The following CACNA1C variants were observed in gnomAD, a reference collection of about 807,000 sequenced individuals.
The protein encoded by CACNA1C is voltage-dependent L-type calcium channel subunit alpha-1C.
CACNA1C carries 30 observed loss-of-function variants against 229.0 expected under a neutral mutation model. That is an observed-to-expected ratio of 0.13 (90% CI 0.10 to 0.18). The LOEUF (loss-of-function observed/expected upper bound fraction) is 0.18. Ranked by LOEUF, CACNA1C falls within the 10% of genes least tolerant of loss-of-function variation. The pLI is 1.00. For missense variants in CACNA1C, 1,658 were observed against 2,845.0 expected, an observed-to-expected ratio of 0.58 and a Z score of 9.49; for synonymous variants, 1,114 against 1,132.5, an observed-to-expected ratio of 0.98 and a Z score of 0.33.
chr12:2,188,963 G>A (rs941284527), intron 3 of CACNA1C, among the ~76,000 whole-genome samples: 6 of 151,906 alleles, frequency 3.9e-5, no homozygotes, highest in Admixed American at 3.9e-4. Flanking sequence ...CGTGGTGGCG[G>A]GTGCCTGTAG....
chr12:2,115,966 C>T (rs889312931), intron 2 of CACNA1C, among the ~76,000 whole-genome samples: 3 of 152,116 alleles, frequency 2.0e-5, no homozygotes, highest in Non-Finnish European at 2.9e-5. Context: ...TGTGCCATGG[C>T]GCTGGATGCT....
At chr12:2,238,933 A>T (rs1312557746) in intron 3 of CACNA1C, among the ~76,000 whole-genome samples, 3 of 152,214 alleles carry the variant, frequency 2.0e-5, no homozygotes, top group Non-Finnish European at 4.4e-5. Flanking sequence ...TCTTTGACTG[A>T]GTGGCTAAAC....
At chr12:2,667,402 A>G (rs996563557) in intron 37 of CACNA1C, among the ~76,000 whole-genome samples, 1 of 149,464 alleles carries the variant, frequency 6.7e-6, no homozygotes, top group Non-Finnish European at 1.5e-5. Flanking sequence ...GAGGAAACTC[A>G]GATGGCAGGA....
intron 3 of CACNA1C, among the ~76,000 whole-genome samples, chr12:2,448,267 G>C (rs1304252221): frequency 1.3e-5 from 2 of 152,188 alleles, no homozygotes; most frequent in African/African-American, 4.8e-5. Context: ...AAAGAGAGGG[G>C]CTCTTTCCAT....
chr12:2,276,632 C>T (rs890828378), intron 3 of CACNA1C, among the ~76,000 whole-genome samples: 1 of 152,140 alleles, frequency 6.6e-6, no homozygotes, highest in Non-Finnish European at 1.5e-5. Context: ...TAGGTGCAGA[C>T]GTTAACAGCT....
At chr12:2,369,787 TG>T (rs367950544) in intron 3 of CACNA1C, among the ~76,000 whole-genome samples, 75 of 152,280 alleles carry the variant, frequency 4.9e-4, no homozygotes, top group African/African-American at 1.6e-3. Flanking sequence ...CCATAAGACT[TG>T]GGGGAAAAAG....
At chr12:2,683,780 G>C (rs1450837197) in intron 43 of CACNA1C, among the ~76,000 whole-genome samples, 4 of 152,224 alleles carry the variant, frequency 2.6e-5, no homozygotes, top group Non-Finnish European at 4.4e-5. Flanking sequence ...CTGGGGGGCT[G>C]TGCCACCTGC....
chr12:2,654,995 G>A lies in CACNA1C; in HGVS notation c.4141-152G>A, dbSNP rs1214803762. ...GCTCAGGGGCTGGGTGGGGCAGCAG[G>A]TGCCTGCCAGGTTGCATGGGAAGAC... On this transcript the variant is annotated intron_variant, in intron 33 of 46. Transcript: ENST00000399655. This position sits in a 1 kb window ranked among gnomAD's most constrained non-coding sequence, Gnocchi z 4.4. 6.6e-6 allele frequency among the ~76,000 whole-genome samples: 1 copy of A among 152,142 alleles called. No homozygotes were observed. Among genetic ancestry groups the A allele is most frequent in the Non-Finnish European group, 1.5e-5 (1 of 68,042 alleles).
chr12:1,980,919 A>G (rs993579990), intron 1 of CACNA1C, among the ~76,000 whole-genome samples: 1 of 151,956 alleles, frequency 6.6e-6, no homozygotes, highest in Non-Finnish European at 1.5e-5. Flanking sequence ...TATCTCAATA[A>G]GCATAAAACA....
chr12:2,263,916 G>A (rs1341881688), intron 3 of CACNA1C, among the ~76,000 whole-genome samples: 1 of 152,118 alleles, frequency 6.6e-6, no homozygotes, highest in African/African-American at 2.4e-5. Context: ...GATGTGCAAA[G>A]GAAAGAGGGA....
intron 3 of CACNA1C, among the ~76,000 whole-genome samples, chr12:2,124,139 TGTGTG>T: frequency 6.6e-6 from 1 of 150,422 alleles, no homozygotes; most frequent in South Asian, 2.1e-4. Flanking sequence ...TGTGTGTGTG[TGTGTG>T]TGTGTGCAGT....
At chr12:2,266,570 A>G (rs2082482241) in intron 3 of CACNA1C, among the ~76,000 whole-genome samples, 1 of 152,256 alleles carries the variant, frequency 6.6e-6, no homozygotes. Flanking sequence ...TTGGGTTCCA[A>G]GAGAAGCAGG....
At chr12:2,064,195 A>G (rs1436391801) in intron 1 of CACNA1C, among the ~76,000 whole-genome samples, 2 of 152,246 alleles carry the variant, frequency 1.3e-5, no homozygotes, top group Admixed American at 6.5e-5. Context: ...CGGTGTCTCT[A>G]TATCCAGTTC....
chr12:1,986,129 A>C (rs2037699622), intron 1 of CACNA1C, among the ~76,000 whole-genome samples: 1 of 152,154 alleles, frequency 6.6e-6, no homozygotes, highest in South Asian at 2.1e-4. Flanking sequence ...TCTATTTTCA[A>C]AGGTGTTTAT....
chr12:2,403,596 T>C lies in CACNA1C; in HGVS notation c.478-45380T>C, dbSNP rs1381549564. On this transcript the variant is annotated intron_variant, in intron 3 of 46. Transcript: ENST00000399655. The surrounding 1 kb of genome is among the most constrained non-coding windows in gnomAD (Gnocchi z 4.1). ...GACAGCTTTTACCACTCCTGGCAGCTGCTGCGAGACAAGATAATTTATAGA... is the reference window on the plus strand; with the variant it reads ...GACAGCTTTTACCACTCCTGGCAGCCGCTGCGAGACAAGATAATTTATAGA... Among the ~76,000 whole-genome samples the C allele has an allele frequency of 6.6e-6, 1 of 152,184 alleles. No individual in the cohort carries two copies. The highest frequency in any genetic ancestry group is 1.5e-5 in the Non-Finnish European group (1 of 68,040).
At chr12:2,024,665 G>A (rs966228385) in intron 1 of CACNA1C, among the ~76,000 whole-genome samples, 1 of 152,230 alleles carries the variant, frequency 6.6e-6, no homozygotes, top group Admixed American at 6.5e-5. Context: ...CCATGTGGGA[G>A]AGTGGATACT....
At chr12:2,096,504 C>G (rs898586747) in intron 1 of CACNA1C, among the ~76,000 whole-genome samples, 6 of 152,300 alleles carry the variant, frequency 3.9e-5, no homozygotes, top group Admixed American at 1.3e-4. Flanking sequence ...TCTCTTTCCT[C>G]TTGGGATGTT....
intron 3 of CACNA1C, among the ~76,000 whole-genome samples, chr12:2,126,159 A>G (rs754406090): frequency 3.3e-5 from 5 of 152,222 alleles, no homozygotes; most frequent in Non-Finnish European, 7.3e-5. Context: ...TTATTTAAAT[A>G]AAAGTCTGTT....
At chr12:2,058,611 A>G (rs987193633) in intron 1 of CACNA1C, among the ~76,000 whole-genome samples, 5 of 152,244 alleles carry the variant, frequency 3.3e-5, no homozygotes, top group African/African-American at 9.6e-5. Flanking sequence ...ACATTCTGAT[A>G]ATGAAATAAC....
Sources: allele counts gnomAD v4.1 joint callset (sites outside exome capture counted in the v4.1 genomes callset), GRCh38; gene constraint gnomAD v4.1.1; non-coding constraint Gnocchi (gnomAD v3.1); transcripts MANE v1.5; gene names NCBI Gene and HGNC (gene_info 2026-07-23, HGNC 2026-07-21).